Variants in TSPAN9 observed in about 807,000 individuals in gnomAD.
TSPAN9 encodes tetraspanin-9.
A neutral mutation model predicts 31.0 loss-of-function variants in TSPAN9; 16 were observed. The observed-to-expected ratio is 0.52, with a 90% CI of 0.35 to 0.78. The LOEUF (loss-of-function observed/expected upper bound fraction) is 0.78, where lower values mean the gene tolerates loss of function less well. Ranked by LOEUF, TSPAN9 falls within the 30% of genes least tolerant of loss-of-function variation. The probability of loss-of-function intolerance (pLI) is 0.01; values close to 1 mark genes in which losing one functional copy is unlikely to be tolerated. For synonymous variants in TSPAN9, 145 were observed against 121.6 expected, an observed-to-expected ratio of 1.19 and a Z score of -1.27; for missense variants, 272 against 312.5, an observed-to-expected ratio of 0.87 and a Z score of 0.98.
rs549933299 is a variant in TSPAN9 at position 3,130,243 on chromosome 12, C to G, written c.-18+46524C>G. Among the ~76,000 whole-genome samples the G allele has an allele frequency of 2.5e-3, 376 of 152,338 alleles. 1 individual carries two copies. Among genetic ancestry groups the G allele is most frequent in the Non-Finnish European group, 2.8e-3 (189 of 68,038 alleles). ...AGGATCTGGCTGGGCATTTGGCAGC[C>G]GCTTGAAGCAGCCTGCGGTTTCGCC... On this transcript the variant is annotated intron_variant, in intron 2 of 8. Coordinates refer to ENST00000011898, the MANE Select transcript of TSPAN9 (RefSeq NM_006675.5).
chr12:3,093,863 CT>C (rs2098306336), intron 2 of TSPAN9, among the ~76,000 whole-genome samples: 1 of 151,992 alleles, frequency 6.6e-6, no homozygotes, highest in African/African-American at 2.4e-5. Context: ...TTAATTTGTA[CT>C]TATTTATTTA....
intron 2 of TSPAN9, among the ~76,000 whole-genome samples, chr12:3,165,037 G>T (rs943544005): frequency 6.6e-6 from 1 of 152,190 alleles, no homozygotes; most frequent in Non-Finnish European, 1.5e-5. Flanking sequence ...TGGTGGCCTG[G>T]CCGTAGAGGG....
At chr12:3,106,165 A>G (rs983568971) in intron 2 of TSPAN9, among the ~76,000 whole-genome samples, 4 of 152,268 alleles carry the variant, frequency 2.6e-5, no homozygotes, top group African/African-American at 7.2e-5. Flanking sequence ...TCGCCTGTGC[A>G]TATACCCACC....
At chr12:3,239,451 A>G (rs2098395444) in intron 3 of TSPAN9, among the ~76,000 whole-genome samples, 1 of 152,160 alleles carries the variant, frequency 6.6e-6, no homozygotes, top group African/African-American at 2.4e-5. Flanking sequence ...CATTAACATG[A>G]TCATGATGGT....
chr12:3,273,066 C>A (rs1862712567), intron 3 of TSPAN9: 1 of 152,402 alleles, frequency 6.6e-6, no homozygotes, highest in South Asian at 2.1e-4. Context: ...AGCCTGATGA[C>A]TTGAGGCTTT....
Position 3,168,987 on chromosome 12 carries a change from G to A in TSPAN9, c.-17-32190G>A, listed in dbSNP as rs972450127. On this transcript the variant is annotated intron_variant, in intron 2 of 8. Transcript: ENST00000011898. This position sits in a 1 kb window ranked among gnomAD's most constrained non-coding sequence, Gnocchi z 4.0. ...AGCTGGGAACATGAAGTGTGTGTAC[G>A]CTTCTCTTTTCGTCATTTCTCTCCT... Among the ~76,000 whole-genome samples the A allele has an allele frequency of 6.6e-6, 1 of 152,140 alleles. No individual in the cohort carries two copies. The highest frequency in any genetic ancestry group is 2.4e-5 in the African/African-American group (1 of 41,434).
In TSPAN9 at chr12:3,175,165, G is replaced by A. The variant is rs547881409; in HGVS notation, c.-17-26012G>A. On this transcript the variant is annotated intron_variant, in intron 2 of 8. Transcript: ENST00000011898. Reference sequence around the variant, plus strand: ...ATGTGCTGTCCTGCAGGACCTAGGAGCAGGGGCAGCATCTCACCTGGGGTG... The same window carrying A: ...ATGTGCTGTCCTGCAGGACCTAGGAACAGGGGCAGCATCTCACCTGGGGTG... 4.6e-5 allele frequency among the ~76,000 whole-genome samples: 7 copies of A among 152,334 alleles called. No homozygotes were observed. The South Asian group carries it at 1.2e-3, about 27-fold the overall frequency.
At chr12:3,203,235 ACCT>A (rs2098373045) in intron 3 of TSPAN9, among the ~76,000 whole-genome samples, 1 of 150,536 alleles carries the variant, frequency 6.6e-6, no homozygotes, top group Admixed American at 6.6e-5. Context: ...TGGTTTGGTG[ACCT>A]CCTCACTGGC....
intron 2 of TSPAN9, among the ~76,000 whole-genome samples, chr12:3,136,361 C>T (rs748822782): frequency 6.6e-6 from 1 of 152,158 alleles, no homozygotes; most frequent in East Asian, 1.9e-4. Flanking sequence ...TAAGCCTTTG[C>T]GTGGGGCTCG....
intron 2 of TSPAN9, among the ~76,000 whole-genome samples, chr12:3,106,116 A>G (rs553741010): frequency 6.6e-6 from 1 of 152,344 alleles, no homozygotes; most frequent in Non-Finnish European, 1.5e-5. Flanking sequence ...ATGCCTGCCC[A>G]TGCTGTGGCT....
At chr12:3,225,778 G>A (rs1357565396) in intron 3 of TSPAN9, among the ~76,000 whole-genome samples, 1 of 151,980 alleles carries the variant, frequency 6.6e-6, no homozygotes, top group African/African-American at 2.4e-5. Flanking sequence ...ATATCAGAGG[G>A]TCTTGTGACT....
chr12:3,283,127 C>A lies in TSPAN9; in HGVS notation c.*11C>A. On this transcript the variant is annotated 3_prime_UTR_variant, in exon 9 of 9. Coordinates refer to ENST00000011898, the MANE Select transcript of TSPAN9 (RefSeq NM_006675.5). ...AAGTACGACGCATGAGCGGGCTGGC[C>A]GGGAGTGCCCACCCCGCCCTGCTGC... The A allele has an allele frequency of 6.2e-7, 1 of 1,606,656 alleles. No individual in the cohort carries two copies. Among genetic ancestry groups the A allele is most frequent in the Non-Finnish European group, 8.5e-7 (1 of 1,179,778 alleles).
intron 3 of TSPAN9, among the ~76,000 whole-genome samples, chr12:3,253,009 T>C (rs1055385574): frequency 1.3e-5 from 2 of 152,124 alleles, no homozygotes; most frequent in African/African-American, 2.4e-5. Flanking sequence ...CTGCGTGGCG[T>C]GTCCGAGTGA....
Position 3,281,805 on chromosome 12 carries a change from C to T in TSPAN9, c.636C>T (p.Ile212=). ...TGCTGGGCACGGTGGGGATGTGCAT[C>T]CTCATCATGCAGGTAAGAGGGGCGT... ...KHVLGTVGMC[I]LIMQILGMAF... Residue 212 remains isoleucine (I), a synonymous_variant, in exon 8 of 9, where the codon ATC becomes ATT. Transcript: ENST00000011898. 1.9e-6 allele frequency: 3 copies of T among 1,614,104 alleles called. 1 individual carries two copies. In the South Asian group the frequency reaches 3.3e-5, roughly 18 times the overall value.
intron 7 of TSPAN9, 131 bp from the exon 8 acceptor site, chr12:3,281,603 C>T: frequency 8.5e-7 from 1 of 1,181,146 alleles, no homozygotes. Flanking sequence ...GGGATGGGGA[C>T]AGGGCTGAGG....
chr12:3,197,347 C>A (rs568519874), intron 2 of TSPAN9, among the ~76,000 whole-genome samples: 4 of 152,326 alleles, frequency 2.6e-5, no homozygotes, highest in South Asian at 2.1e-4. Flanking sequence ...ATTAGCCATG[C>A]CAGTCAGGCA....
intron 2 of TSPAN9, among the ~76,000 whole-genome samples, chr12:3,117,957 G>A (rs1316056695): frequency 5.9e-5 from 9 of 152,118 alleles, no homozygotes; most frequent in Non-Finnish European, 1.3e-4. Context: ...CCTGAAGGTG[G>A]AGGAGGCATG....
intron 3 of TSPAN9, among the ~76,000 whole-genome samples, chr12:3,224,281 G>A (rs746370842): frequency 9.9e-5 from 15 of 152,196 alleles, no homozygotes; most frequent in Non-Finnish European, 1.6e-4. Context: ...AGATGGGACC[G>A]GGAGGCTGTG....
At chr12:3,167,679 G>GCTC (rs2098349251) in intron 2 of TSPAN9, among the ~76,000 whole-genome samples, 2 of 152,184 alleles carry the variant, frequency 1.3e-5, no homozygotes, top group African/African-American at 4.8e-5. Context: ...CCAAGTCCAG[G>GCTC]CAACTGCTGC....
Sources: allele counts gnomAD v4.1 joint callset (sites outside exome capture counted in the v4.1 genomes callset), GRCh38; gene constraint gnomAD v4.1.1; non-coding constraint Gnocchi (gnomAD v3.1); transcripts MANE v1.5; gene names NCBI Gene and HGNC (gene_info 2026-07-23, HGNC 2026-07-21).